ZDHHC14: variants seen among roughly 807,000 people sequenced by gnomAD.
ZDHHC14 encodes the protein palmitoyltransferase ZDHHC14.
ZDHHC14 carries 16 observed loss-of-function variants against 47.7 expected under a neutral mutation model. The observed-to-expected ratio is 0.34, with a 90% confidence interval of 0.23 to 0.51. ZDHHC14 has a LOEUF of 0.51. Ranked by LOEUF, ZDHHC14 falls within the 20% of genes least tolerant of loss-of-function variation. The pLI, the probability that ZDHHC14 is intolerant of heterozygous loss-of-function variation, is 0.97. For synonymous variants in ZDHHC14, 293 were observed against 278.9 expected (o/e 1.05, Z -0.50); for missense variants, 515 against 662.5 (o/e 0.78, Z 2.44).
At chr6:157,504,270 C>T (rs951069930) in intron 1 of ZDHHC14, among the ~76,000 whole-genome samples, 13 of 151,520 alleles carry the variant, frequency 8.6e-5, no homozygotes, top group Non-Finnish European at 1.5e-4. Context: ...TGCAGTGGCG[C>T]GATCTCAGCT....
intron 5 of ZDHHC14, among the ~76,000 whole-genome samples, chr6:157,638,483 T>A (rs1777089181): frequency 6.7e-6 from 1 of 150,260 alleles, no homozygotes; most frequent in African/African-American, 2.5e-5. Context: ...CACAGACAAA[T>A]GGAGAGACTT....
At chr6:157,564,940 AT>A (rs1782845023) in intron 2 of ZDHHC14, among the ~76,000 whole-genome samples, 1 of 152,130 alleles carries the variant, frequency 6.6e-6, no homozygotes, top group African/African-American at 2.4e-5. Flanking sequence ...ATGTAAAAGT[AT>A]TTTCCAAAGT....
chr6:157,673,042 A>T lies in ZDHHC14; in HGVS notation c.1387A>T (p.Met463Leu). ...CAGCCCCCTGGCGCACAGCCGCACC[A>T]TGCACGTGCTGGGCCTGGCCAGCCA... ...AGSPLAHSRT[M>L]HVLGLASQDS... Residue 463 changes from methionine (M) to leucine (L), a missense_variant, in exon 9 of 9, where the codon ATG (methionine) becomes TTG (leucine). Coordinates refer to ENST00000359775, the MANE Select transcript of ZDHHC14 (RefSeq NM_024630.3). This position sits in a 1 kb window ranked among gnomAD's most constrained non-coding sequence, Gnocchi z 5.4. 6.4e-7 allele frequency: 1 copy of T among 1,566,978 alleles called. No individual in the cohort carries two copies. Among genetic ancestry groups the T allele is most frequent in the Non-Finnish European group, 8.6e-7 (1 of 1,163,336 alleles).
In ZDHHC14 at chr6:157,643,650, AATATAT is replaced by A. The variant is rs3056787; in HGVS notation, c.753-2066_753-2061del. ...GCAACAAAAGCAAAACTTCATCTCA[AATATAT>A]ATATATATATATATATATATGCTGT... On this transcript the variant is annotated intron_variant, in intron 5 of 8. Coordinates refer to ENST00000359775, the MANE Select transcript of ZDHHC14 (RefSeq NM_024630.3). 1.1e-3 allele frequency among the ~76,000 whole-genome samples: 79 copies of A among 72,516 alleles called. 8 individuals carry two copies. Among genetic ancestry groups the A allele is most frequent in the East Asian group, 6.7e-3 (18 of 2,688 alleles). The allele number at this position is 72,516 out of a possible 152,430, so 47.6% of individuals were successfully genotyped here. A position where few individuals can be genotyped will look rare whatever the true frequency, so the allele number is the denominator to read the frequency against.
intron 1 of ZDHHC14, among the ~76,000 whole-genome samples, chr6:157,535,734 A>T (rs1480389741): frequency 6.6e-6 from 1 of 151,606 alleles, no homozygotes; most frequent in African/African-American, 2.4e-5. Flanking sequence ...GGGGAATGTC[A>T]CTCTTGGGAG....
chr6:157,559,102 T>G (rs1205979728), intron 2 of ZDHHC14, among the ~76,000 whole-genome samples: 1 of 152,196 alleles, frequency 6.6e-6, no homozygotes, highest in Non-Finnish European at 1.5e-5. Flanking sequence ...GATAAATGGT[T>G]GTTGGTTTTC....
chr6:157,484,542 G>A (rs1482953573), intron 1 of ZDHHC14, among the ~76,000 whole-genome samples: 1 of 148,440 alleles, frequency 6.7e-6, no homozygotes, highest in Admixed American at 6.7e-5. Flanking sequence ...TTAAATAAAA[G>A]TTAAAAGAAA....
At chr6:157,395,081 G>A (rs1236975878) in intron 1 of ZDHHC14, among the ~76,000 whole-genome samples, 1 of 149,718 alleles carries the variant, frequency 6.7e-6, no homozygotes, top group Non-Finnish European at 1.5e-5. Flanking sequence ...AAAGTAGTGA[G>A]TACTGACAGT....
intron 8 of ZDHHC14, among the ~76,000 whole-genome samples, chr6:157,671,804 T>G (rs1778809591): frequency 1.3e-5 from 2 of 152,222 alleles, no homozygotes. Flanking sequence ...AGTGGGGAAT[T>G]CTAGGCTTTT....
intron 4 of ZDHHC14, chr6:157,631,228 G>C (rs1047308659): frequency 6.6e-6 from 1 of 151,674 alleles, no homozygotes; most frequent in African/African-American, 2.4e-5. Context: ...CTCAGGTTGC[G>C]ATGTGTGTTT....
At chr6:157,648,624 T>A (rs1372509770) in intron 7 of ZDHHC14, among the ~76,000 whole-genome samples, 2 of 152,136 alleles carry the variant, frequency 1.3e-5, no homozygotes, top group East Asian at 1.9e-4. Context: ...ACCCCTGACC[T>A]CCTCAGAGGC....
At chr6:157,601,234 A>G (rs139366071) in intron 3 of ZDHHC14, among the ~76,000 whole-genome samples, 29 of 152,390 alleles carry the variant, frequency 1.9e-4, no homozygotes, top group African/African-American at 6.5e-4. Flanking sequence ...AAAAGGAAAA[A>G]AGCTAACATT....
At chr6:157,593,178 G>A in intron 3 of ZDHHC14, 32 bp downstream of exon 3, 1 of 1,587,706 alleles carries the variant, frequency 6.3e-7, no homozygotes, top group Non-Finnish European at 8.6e-7. Flanking sequence ...CCTGGCGGGA[G>A]CCCGGGTCCT....
intron 2 of ZDHHC14, among the ~76,000 whole-genome samples, chr6:157,543,768 C>G (rs962825202): frequency 5.9e-5 from 9 of 152,114 alleles, no homozygotes; most frequent in Non-Finnish European, 1.5e-5. Flanking sequence ...TGTGTGGTGT[C>G]ATCTGCTAGA....
intron 1 of ZDHHC14, among the ~76,000 whole-genome samples, chr6:157,514,380 C>A (rs1192043663): frequency 6.6e-6 from 1 of 152,242 alleles, no homozygotes; most frequent in African/African-American, 2.4e-5. Flanking sequence ...CCTGTGCTCA[C>A]ACACAGTCGG....
chr6:157,596,562 T>C (rs910935153), intron 3 of ZDHHC14, among the ~76,000 whole-genome samples: 1 of 152,176 alleles, frequency 6.6e-6, no homozygotes, highest in Non-Finnish European at 1.5e-5. Flanking sequence ...TGGTCAAATA[T>C]AGAGTTAGTT....
intron 1 of ZDHHC14, among the ~76,000 whole-genome samples, chr6:157,542,243 G>C (rs556543848): frequency 3.9e-5 from 6 of 152,178 alleles, no homozygotes; most frequent in African/African-American, 1.2e-4. Flanking sequence ...CTCCCGAACC[G>C]TGTTTACAGC....
intron 1 of ZDHHC14, among the ~76,000 whole-genome samples, chr6:157,405,580 G>A (rs1777739121): frequency 6.6e-6 from 1 of 152,038 alleles, no homozygotes; most frequent in South Asian, 2.1e-4. Context: ...TTAAAGTCTG[G>A]AAATTTTGGT....
At chr6:157,481,321 A>G (rs1282515261) in intron 1 of ZDHHC14, among the ~76,000 whole-genome samples, 1 of 152,194 alleles carries the variant, frequency 6.6e-6, no homozygotes, top group Non-Finnish European at 1.5e-5. Context: ...TTGGAAGTCT[A>G]CACAGAAAAT....
Sources: gnomAD v4.1 joint callset for allele counts (sites outside exome capture counted in the v4.1 genomes callset) on GRCh38, gnomAD v4.1.1 for gene constraint, Gnocchi (gnomAD v3.1) non-coding constraint, MANE v1.5 for transcripts, NCBI Gene and HGNC (gene_info 2026-07-23, HGNC 2026-07-21) for gene names.